Variants in DLG2 observed in about 807,000 individuals in gnomAD.
The protein encoded by DLG2 is disks large homolog 2.
Under a neutral mutation model 132.5 loss-of-function variants are expected in DLG2, and 45 were observed. That is an observed-to-expected ratio of 0.34 (90% CI 0.27 to 0.44). The LOEUF (loss-of-function observed/expected upper bound fraction) is 0.44, where lower values mean the gene tolerates loss of function less well. Ranked by LOEUF, DLG2 falls within the 20% of genes least tolerant of loss-of-function variation. DLG2 has a pLI of 1.00. For synonymous variants in DLG2, 424 were observed against 419.6 expected (o/e 1.01, Z -0.13); for missense variants, 1,045 against 1,196.9 (o/e 0.87, Z 1.87).
intron 6 of DLG2, among the ~76,000 whole-genome samples, chr11:84,617,533 G>C (rs1310356520): frequency 6.6e-6 from 1 of 151,942 alleles, no homozygotes; most frequent in Admixed American, 6.6e-5. Context: ...TGGTATTTCT[G>C]GTTCTAAATC....
intron 4 of DLG2, among the ~76,000 whole-genome samples, chr11:85,191,158 G>GCACACACACACA (rs531319092): frequency 8.8e-6 from 1 of 113,426 alleles, no homozygotes; most frequent in East Asian, 2.6e-4. Flanking sequence ...GCGCGCGCAC[G>GCACACACACACA]CGCGCACACA....
chr11:84,474,885 T>G (rs1441749079), intron 7 of DLG2, among the ~76,000 whole-genome samples: 1 of 152,208 alleles, frequency 6.6e-6, no homozygotes, highest in Non-Finnish European at 1.5e-5. Flanking sequence ...AACCAAACAC[T>G]TGCCCTTATT....
At chr11:84,683,476 C>T (rs12294173) in intron 6 of DLG2, among the ~76,000 whole-genome samples, 66,520 of 152,048 alleles carry the variant, frequency 0.44, 17,599 homozygotes, top group African/African-American at 0.76. Context: ...AACCTAAGAA[C>T]TGCAAAACCA....
chr11:83,667,186 A>C (rs997164734), intron 18 of DLG2, among the ~76,000 whole-genome samples: 2 of 152,214 alleles, frequency 1.3e-5, no homozygotes, highest in Admixed American at 6.5e-5. Context: ...TCTGTCTACA[A>C]TGAAGTTTAG....
At chr11:83,732,437 C>T (rs996050283) in intron 18 of DLG2, among the ~76,000 whole-genome samples, 10 of 152,048 alleles carry the variant, frequency 6.6e-5, no homozygotes, top group Non-Finnish European at 1.2e-4. Context: ...TTATATGGAA[C>T]CAAAATATGT....
chr11:85,110,539 T>C (rs1012285790), intron 6 of DLG2, among the ~76,000 whole-genome samples: 1 of 152,136 alleles, frequency 6.6e-6, no homozygotes, highest in Non-Finnish European at 1.5e-5. Context: ...TCTCTGAGTC[T>C]CCAGCACATC....
Position 84,802,098 on chromosome 11 carries a change from T to TAA in DLG2, c.358-267369_358-267368dup, listed in dbSNP as rs567012280. On this transcript the variant is annotated intron_variant, in intron 6 of 27. Transcript: ENST00000376104. ...TTGGGAAGCACAGCTTACTTTTAGTTAAAAAAAAAAAGCAAAAAAAAAAAA... is the reference window on the plus strand; with the variant it reads ...TTGGGAAGCACAGCTTACTTTTAGTTAAAAAAAAAAAAAGCAAAAAAAAAAAA... 2.6e-4 allele frequency among the ~76,000 whole-genome samples: 34 copies of TAA among 132,922 alleles called. 1 individual carries two copies. Among genetic ancestry groups the TAA allele is most frequent in the Middle Eastern group, 7.8e-3 (2 of 258 alleles). 87.2% of individuals were successfully genotyped at this position (132,922 alleles called of 152,430 possible). A position where few individuals can be genotyped will look rare whatever the true frequency, so the allele number is the denominator to read the frequency against.
At chr11:84,173,269 T>TCA (rs768473011) in intron 8 of DLG2, among the ~76,000 whole-genome samples, 4 of 152,228 alleles carry the variant, frequency 2.6e-5, no homozygotes, top group Non-Finnish European at 5.9e-5. Flanking sequence ...TTTAATGCAT[T>TCA]CACTTGGCTC....
intron 11 of DLG2, among the ~76,000 whole-genome samples, chr11:84,052,290 T>G (rs914408767): frequency 4.6e-5 from 7 of 151,882 alleles, no homozygotes; most frequent in African/African-American, 1.7e-4. Context: ...TATATTTACA[T>G]ATTATATATA....
chr11:84,680,023 T>A (rs1453924883), intron 6 of DLG2, among the ~76,000 whole-genome samples: 1 of 152,138 alleles, frequency 6.6e-6, no homozygotes, highest in African/African-American at 2.4e-5. Context: ...CATCCAGTAA[T>A]ACTAGGTTAT....
chr11:84,716,452 C>T (rs1002117538), intron 6 of DLG2, among the ~76,000 whole-genome samples: 23 of 151,968 alleles, frequency 1.5e-4, no homozygotes, highest in African/African-American at 5.3e-4. Context: ...GACTGTGGAC[C>T]TTTGCAATGC....
chr11:84,255,837 T>G lies in DLG2; in HGVS notation c.520-4546A>C, dbSNP rs982536087. 2.0e-5 allele frequency among the ~76,000 whole-genome samples: 3 copies of G among 151,982 alleles called. No homozygotes were observed. The South Asian group carries it at 6.2e-4, about 31-fold the overall frequency. ...GCAAGATTTTTGAAACTATAAGGGA[T>G]GAAGAAAAAAAAATTCTTTCTTAAG... On this transcript the variant is annotated intron_variant, in intron 7 of 27. Transcript: ENST00000376104.
At chr11:85,034,572 AT>A (rs2061299052) in intron 6 of DLG2, among the ~76,000 whole-genome samples, 1 of 152,202 alleles carries the variant, frequency 6.6e-6, no homozygotes, top group African/African-American at 2.4e-5. Context: ...GCTGGACAGA[AT>A]TCCTTTTTTC....
chr11:84,732,859 C>A (rs1392334701), intron 6 of DLG2, among the ~76,000 whole-genome samples: 1 of 148,116 alleles, frequency 6.8e-6, no homozygotes, highest in African/African-American at 2.5e-5. Context: ...TCTCATTGTT[C>A]AATTCCCACC....
chr11:84,620,764 T>C (rs190728946), intron 6 of DLG2, among the ~76,000 whole-genome samples: 1 of 152,226 alleles, frequency 6.6e-6, no homozygotes, highest in Admixed American at 6.5e-5. Context: ...GGCAGATGAA[T>C]CGGCACAACT....
chr11:83,932,526 G>T (rs1257054329), intron 14 of DLG2, among the ~76,000 whole-genome samples: 1 of 152,102 alleles, frequency 6.6e-6, no homozygotes, highest in Non-Finnish European at 1.5e-5. Context: ...GAGCCACCGC[G>T]CCCGGCATAT....
intron 8 of DLG2, among the ~76,000 whole-genome samples, chr11:84,229,327 A>G (rs2097057183): frequency 1.3e-5 from 2 of 152,176 alleles, no homozygotes; most frequent in African/African-American, 4.8e-5. Flanking sequence ...TTTTTCCAGT[A>G]TCATGGTTTA....
At chr11:84,808,586 G>T (rs1327616710) in intron 6 of DLG2, among the ~76,000 whole-genome samples, 2 of 151,798 alleles carry the variant, frequency 1.3e-5, no homozygotes, top group South Asian at 2.1e-4. Context: ...ATAAAGAAAA[G>T]AAATAGTATA....
intron 21 of DLG2, among the ~76,000 whole-genome samples, chr11:83,485,152 TTAAC>T (rs1158863958): frequency 1.3e-5 from 2 of 152,172 alleles, no homozygotes; most frequent in Non-Finnish European, 2.9e-5. Flanking sequence ...TTTAAAAATT[TTAAC>T]TAAACTATTC....
Sources: allele counts gnomAD v4.1 joint callset (sites outside exome capture counted in the v4.1 genomes callset), GRCh38; gene constraint gnomAD v4.1.1; transcripts MANE v1.5; gene names NCBI Gene and HGNC (gene_info 2026-07-23, HGNC 2026-07-21).